MMS22L: variants seen among roughly 807,000 people sequenced by gnomAD.
The protein encoded by MMS22L is MMS22 like, DNA repair protein, also known as protein MMS22-like.
A neutral mutation model predicts 159.1 loss-of-function variants in MMS22L; 74 were observed. The ratio of observed to expected loss-of-function variants is 0.47; its 90% CI spans 0.39 to 0.56. The LOEUF is 0.56. Among genes scored for constraint, MMS22L ranks in the 20% least tolerant of loss-of-function variants. MMS22L has a pLI of 0.00. For missense variants in MMS22L, 1,351 were observed against 1,422.1 expected (o/e 0.95, Z 0.80); for synonymous variants, 517 against 506.9 (o/e 1.02, Z -0.27).
chr6:97,167,882 C>T (rs1803131889), intron 20 of MMS22L, among the ~76,000 whole-genome samples, 189 bp downstream of exon 20: 1 of 152,104 alleles, frequency 6.6e-6, no homozygotes, highest in Non-Finnish European at 1.5e-5. Flanking sequence ...ACTTTAAGCT[C>T]CTCTGCTTTT....
intron 4 of MMS22L, 187 bp from the exon 5 acceptor site, chr6:97,273,249 A>C: frequency 1.7e-6 from 1 of 581,122 alleles, no homozygotes; most frequent in African/African-American, 1.9e-5. Flanking sequence ...AATCACACCC[A>C]CATTGCCCAA....
At chr6:97,190,850 G>A (rs1000110006) in intron 14 of MMS22L, among the ~76,000 whole-genome samples, 9 of 151,998 alleles carry the variant, frequency 5.9e-5, no homozygotes, top group Non-Finnish European at 1.2e-4. Flanking sequence ...CACCTAACAG[G>A]GTTATTGTGA....
Position 97,151,808 on chromosome 6 carries a change from C to T in MMS22L, c.3445G>A (p.Glu1149Lys), listed in dbSNP as rs755082836. 1 of 1,613,566 alleles carries T rather than the reference C, an allele frequency of 6.2e-7. No individual in the cohort carries two copies. The highest frequency in any genetic ancestry group is 8.5e-7 in the Non-Finnish European group (1 of 1,179,722). Residue 1149 changes from glutamate (E) to lysine (K), a missense_variant, in exon 23 of 25, where the codon GAA (glutamate) becomes AAA (lysine). Coordinates refer to ENST00000683635, the MANE Select transcript of MMS22L (RefSeq NM_001350599.2). ...YMVKACQVGS[E>K]EEPSSQLTSV... ...GTCAGCTGGGAGGAAGGTTCTTCTTCTGACCCCACTTGGCAGGCTTTTACC... is the reference window on the plus strand; with the variant it reads ...GTCAGCTGGGAGGAAGGTTCTTCTTTTGACCCCACTTGGCAGGCTTTTACC...
chr6:97,154,424 A>T (rs1028931250), intron 22 of MMS22L, among the ~76,000 whole-genome samples: 3 of 152,092 alleles, frequency 2.0e-5, no homozygotes, highest in African/African-American at 7.2e-5. Flanking sequence ...CTTTCTTAAC[A>T]GTGTCCTTTG....
At chr6:97,189,817 G>A (rs972112656) in intron 14 of MMS22L, among the ~76,000 whole-genome samples, 22 of 152,078 alleles carry the variant, frequency 1.4e-4, no homozygotes, top group Admixed American at 1.4e-3. Flanking sequence ...GAAAGTTCAA[G>A]CTTTTTCAGT....
chr6:97,241,077 C>T (rs1279772183), intron 11 of MMS22L, among the ~76,000 whole-genome samples: 1 of 152,228 alleles, frequency 6.6e-6, no homozygotes, highest in Admixed American at 6.5e-5. Flanking sequence ...TTTTCCATTC[C>T]TGAGTGTTGT....
In MMS22L at chr6:97,263,368, A is replaced by G. The variant is rs941111976; in HGVS notation, c.909T>C (p.Leu303=). 4 of 1,591,550 alleles carry G rather than the reference A, an allele frequency of 2.5e-6. No individual in the cohort carries two copies. The highest frequency in any genetic ancestry group is 3.4e-6 in the Non-Finnish European group (4 of 1,172,636). The part of the protein sequence containing the change: ...IKELWVLLIH[L]LDHRSKWFVS... The stretch of plus-strand genomic sequence containing the variant: ...CAAACCATTTACTTCTGTGGTCTAG[A>G]AGATGAATAAGTAGAACCCATAATT... Residue 303 remains leucine, a synonymous_variant, in exon 9 of 25, where the codon CTT becomes CTC. Coordinates refer to ENST00000683635, the MANE Select transcript of MMS22L (RefSeq NM_001350599.2).
chr6:97,227,105 C>T (rs913355970), intron 14 of MMS22L, among the ~76,000 whole-genome samples: 4 of 151,444 alleles, frequency 2.6e-5, no homozygotes, highest in African/African-American at 9.7e-5. Context: ...TTAACAAAAA[C>T]CAAAAAGATT....
In MMS22L at chr6:97,165,471, A is replaced by G; in HGVS notation, c.3010-14T>C. 1 of 1,606,138 alleles carries G rather than the reference A, an allele frequency of 6.2e-7. No homozygotes were observed. Among genetic ancestry groups the G allele is most frequent in the Non-Finnish European group, 8.5e-7 (1 of 1,175,510 alleles). On this transcript the variant is annotated splice_polypyrimidine_tract_variant and intron_variant, in intron 20 of 24. Transcript: ENST00000683635. ...GATACACATGCCCTACAAGGAAAAA[A>G]AGTAAGAAATACTAAGAGGTAAAGT...
At chr6:97,262,571 G>C (rs1814600235) in intron 9 of MMS22L, among the ~76,000 whole-genome samples, 1 of 150,830 alleles carries the variant, frequency 6.6e-6, no homozygotes, top group African/African-American at 2.4e-5. Context: ...CTTGAACTGG[G>C]AGGCGGAGAT....
At chr6:97,276,419 C>A (rs1230668909) in intron 4 of MMS22L, among the ~76,000 whole-genome samples, 1 of 148,832 alleles carries the variant, frequency 6.7e-6, no homozygotes, top group African/African-American at 2.5e-5. Flanking sequence ...TTCCATGAAC[C>A]CAATTTACTT....
At chr6:97,180,448 G>C (rs1212617309) in intron 16 of MMS22L, among the ~76,000 whole-genome samples, 1 of 151,958 alleles carries the variant, frequency 6.6e-6, no homozygotes, top group South Asian at 2.1e-4. Flanking sequence ...AGAGAGGATG[G>C]GGATGGTCTT....
intron 20 of MMS22L, among the ~76,000 whole-genome samples, chr6:97,166,925 T>C (rs566030837): frequency 5.3e-5 from 8 of 152,194 alleles, no homozygotes; most frequent in African/African-American, 1.7e-4. Context: ...TTAAATGCTA[T>C]TATGAATAAA....
At chr6:97,213,110 A>G (rs547627264) in intron 14 of MMS22L, among the ~76,000 whole-genome samples, 57 of 152,270 alleles carry the variant, frequency 3.7e-4, no homozygotes, top group African/African-American at 1.3e-3. Context: ...TTTTCTGTGA[A>G]GAAAATGAGG....
At chr6:97,245,377 T>C (rs1273482950) in intron 11 of MMS22L, among the ~76,000 whole-genome samples, 1 of 152,108 alleles carries the variant, frequency 6.6e-6, no homozygotes, top group East Asian at 1.9e-4. Flanking sequence ...AATAATGTTA[T>C]CCAGACTTTA....
rs1816211486 is a variant in MMS22L, at chr6:97,276,033, A to G, written c.340+2816T>C. Among the ~76,000 whole-genome samples, 4 of 151,936 alleles carry G rather than the reference A, an allele frequency of 2.6e-5. No homozygotes were observed. In the South Asian group the frequency reaches 8.3e-4, roughly 32 times the overall value. ...CAGAGACAAAGAGACGGAAAGAGAG[A>G]AAAAAAACAGCTGTCAGCAAAACAT... On this transcript the variant is annotated intron_variant, in intron 4 of 24. Coordinates refer to ENST00000683635, the MANE Select transcript of MMS22L (RefSeq NM_001350599.2).
At chr6:97,182,158 TAAC>T (rs1804787224) in intron 15 of MMS22L, 104 bp from the exon 16 acceptor site, 1 of 866,166 alleles carries the variant, frequency 1.2e-6, no homozygotes, top group Non-Finnish European at 1.7e-6. Flanking sequence ...TTTTTTTAAG[TAAC>T]AAATAATAAA....
chr6:97,206,245 T>C (rs1323851333), intron 14 of MMS22L, among the ~76,000 whole-genome samples: 4 of 152,084 alleles, frequency 2.6e-5, no homozygotes, highest in Non-Finnish European at 5.9e-5. Context: ...GAAATGATTT[T>C]TAATTTCTCT....
intron 23 of MMS22L, 35 bp downstream of exon 23, chr6:97,151,736 T>C (rs3822908): frequency 0.2 from 301,342 of 1,533,606 alleles, 32,324 homozygotes; most frequent in East Asian, 0.48. Context: ...TGGCTGGCAA[T>C]AGTTTCCTTG....
Sources: allele counts gnomAD v4.1 joint callset (sites outside exome capture counted in the v4.1 genomes callset), GRCh38; gene constraint gnomAD v4.1.1; transcripts MANE v1.5; gene names NCBI Gene and HGNC (gene_info 2026-07-23, HGNC 2026-07-21).